The following KLF4 variants were observed in gnomAD, a reference collection of about 807,000 sequenced individuals.
KLF4 encodes the protein KLF transcription factor 4, also known as Krueppel-like factor 4.
In KLF4, 14 loss-of-function variants were observed where a neutral mutation model predicts 38.0. The ratio of observed to expected loss-of-function variants is 0.37; its 90% CI spans 0.24 to 0.58. The LOEUF (loss-of-function observed/expected upper bound fraction) is 0.58, where lower values mean the gene tolerates loss of function less well. KLF4 is among the 20% of genes least tolerant of loss of function. KLF4 has a pLI of 0.76. For synonymous variants in KLF4, 398 were observed against 302.5 expected, an observed-to-expected ratio of 1.32 and a Z score of -3.28; for missense variants, 737 against 670.1, an observed-to-expected ratio of 1.10 and a Z score of -1.10.
In KLF4 at chr9:107,488,225, C is replaced by T. The variant is rs1316751776; in HGVS notation, c.169G>A (p.Val57Met). 1.9e-6 allele frequency: 3 copies of T among 1,611,012 alleles called. No individual in the cohort carries two copies. The highest frequency in any genetic ancestry group is 1.7e-6 in the Non-Finnish European group (2 of 1,179,310). The stretch of plus-strand genomic sequence containing the variant: ...AGGTCATAGGGGCGGCCGGGAAGCA[C>T]TGGGGGAAGTCGCTTCATGTGGGAG... ...ELSHMKRLPP[V>M]LPGRPYDLAA... Residue 57 changes from valine to methionine, a missense_variant, in exon 3 of 5, where the codon GTG (valine) becomes ATG (methionine). Coordinates refer to ENST00000374672, the MANE Select transcript of KLF4 (RefSeq NM_004235.6). The surrounding 1 kb of genome is among the most constrained non-coding windows in gnomAD (Gnocchi z 5.7).
Position 107,487,935 on chromosome 9 carries a change from C to T in KLF4, c.459G>A (p.Pro153=), listed in dbSNP as rs377266365. 1.9e-6 allele frequency: 3 copies of T among 1,580,124 alleles called. No individual in the cohort carries two copies. The highest frequency in any genetic ancestry group is 2.6e-6 in the Non-Finnish European group (3 of 1,163,620). ...SAPSTCSFTY[P]IRAGNDPGVA... The stretch of plus-strand genomic sequence containing the variant: ...CGCCCGGGTCGTTCCCGGCCCGGAT[C>T]GGATAGGTGAAGCTGCAGGTGGAGG... The change falls in exon 3 of 5, where the codon CCG becomes CCA. Residue 153 remains proline (P), a synonymous_variant. Transcript: ENST00000374672. The surrounding 1 kb of genome is among the most constrained non-coding windows in gnomAD (Gnocchi z 6.1).
Position 107,489,304 on chromosome 9 carries a change from A to T in KLF4, c.-132T>A. ...GGCCGAGATCCTTCTTCTTTGGATT[A>T]AATATAACTTGGAAGCGTCTTTTTT... is the stretch of plus-strand genomic sequence containing the variant. On this transcript the variant is annotated 5_prime_UTR_variant, in exon 1 of 5. Transcript: ENST00000374672. The T allele has an allele frequency of 8.2e-7, 1 of 1,224,172 alleles. No homozygotes were observed. Among genetic ancestry groups the T allele is most frequent in the East Asian group, 2.8e-5 (1 of 35,814 alleles). The allele number at this position is 1,224,172 out of a possible 1,614,324, so 75.8% of individuals were successfully genotyped here. A position where few individuals can be genotyped will look rare whatever the true frequency, so the allele number is the denominator to read the frequency against.
In KLF4 at chr9:107,487,999, G is replaced by C; in HGVS notation, c.395C>G (p.Ser132Cys). 6.2e-7 allele frequency: 1 copy of C among 1,601,834 alleles called. No individual in the cohort carries two copies. The highest frequency in any genetic ancestry group is 8.5e-7 in the Non-Finnish European group (1 of 1,174,968). Reference protein sequence around the residue: ...ATVSSSASASSSSSPSSSGPA... With the variant: ...ATVSSSASASCSSSPSSSGPA... ...GCCGCTGCTCGACGGCGACGACGAA[G>C]AGGAGGCTGACGCTGACGAGGACAC... Residue 132 changes from serine to cysteine, a missense_variant, in exon 3 of 5, where the codon TCT (serine) becomes TGT (cysteine). Around this residue, in one of 2 missense-constraint regions of KLF4, gnomAD observed 695 missense variants for 554.5 expected, o/e 1.25. Coordinates refer to ENST00000374672, the MANE Select transcript of KLF4 (RefSeq NM_004235.6). The surrounding 1 kb of genome is among the most constrained non-coding windows in gnomAD (Gnocchi z 6.1).
In KLF4 at chr9:107,487,888, CCGCCCGTGCCGCCCGGCGCCA is replaced by C. The variant is rs1440401875; in HGVS notation, c.485_505del (p.Val162_Gly168del). 4.3e-5 allele frequency: 66 copies of C among 1,551,518 alleles called. No homozygotes were observed. Among genetic ancestry groups the C allele is most frequent in the Non-Finnish European group, 5.4e-5 (62 of 1,149,110 alleles). ...GGACTCCCTGCCATAGAGGAGGCCT[CCGCCCGTGCCGCCCGGCGCCA>C]CGCCCGGGTCGTTCCCGGCCCGGAT... On this transcript the variant is annotated inframe_deletion, in exon 3 of 5. Transcript: ENST00000374672. The surrounding 1 kb of genome is among the most constrained non-coding windows in gnomAD (Gnocchi z 6.1).
In KLF4 at chr9:107,487,941, G is replaced by T; in HGVS notation, c.453C>A (p.Thr151=). Residue 151 remains threonine, a synonymous_variant, in exon 3 of 5, where the codon ACC becomes ACA. Transcript: ENST00000374672. The surrounding 1 kb of genome is among the most constrained non-coding windows in gnomAD (Gnocchi z 6.1). ...GGTCGTTCCCGGCCCGGATCGGATA[G>T]GTGAAGCTGCAGGTGGAGGGCGCGC... ...PASAPSTCSF[T]YPIRAGNDPG... 1 of 1,582,604 alleles carries T rather than the reference G, an allele frequency of 6.3e-7. No homozygotes were observed. The highest frequency in any genetic ancestry group is 8.6e-7 in the Non-Finnish European group (1 of 1,165,170).
Position 107,488,782 on chromosome 9 carries a change from G to A in KLF4, c.126+148C>T. 1 of 1,159,516 alleles carries A rather than the reference G, an allele frequency of 8.6e-7. No individual in the cohort carries two copies. Among genetic ancestry groups the A allele is most frequent in the Non-Finnish European group, 1.2e-6 (1 of 837,432 alleles). The allele number at this position is 1,159,516 out of a possible 1,614,324, so 71.8% of individuals were successfully genotyped here. A position where few individuals can be genotyped will look rare whatever the true frequency, so the allele number is the denominator to read the frequency against. ...CATACACAGCTGAGCCAAGGACACG[G>A]AAGCTATCCCGGGAAGGTTGCGGAG... On this transcript the variant is annotated intron_variant, in intron 2 of 4. Coordinates refer to ENST00000374672, the MANE Select transcript of KLF4 (RefSeq NM_004235.6). This position sits in a 1 kb window ranked among gnomAD's most constrained non-coding sequence, Gnocchi z 5.7.
chr9:107,488,900 G>C lies in KLF4; in HGVS notation c.126+30C>G, dbSNP rs201163938. On this transcript the variant is annotated intron_variant, in intron 2 of 4. Transcript: ENST00000374672. The surrounding 1 kb of genome is among the most constrained non-coding windows in gnomAD (Gnocchi z 5.7). Reference sequence around the variant, plus strand: ...CACCACACCCACGAAAACCCACCGGGCGTTCCCGGCGGCCCGGAGCGATAC... The same window carrying C: ...CACCACACCCACGAAAACCCACCGGCCGTTCCCGGCGGCCCGGAGCGATAC... The C allele has an allele frequency of 1.3e-6, 2 of 1,544,138 alleles. No homozygotes were observed. Among genetic ancestry groups the C allele is most frequent in the African/African-American group, 2.7e-5 (2 of 73,052 alleles).
In KLF4 at chr9:107,489,497, T is replaced by A. The variant is rs960141233; in HGVS notation, c.-325A>T. 18 of 295,900 alleles carry A rather than the reference T, an allele frequency of 6.1e-5. No homozygotes were observed. Among genetic ancestry groups the A allele is most frequent in the Non-Finnish European group, 9.9e-5 (16 of 161,608 alleles). 18.3% of individuals were successfully genotyped at this position (295,900 alleles called of 1,614,324 possible). On this transcript the variant is annotated 5_prime_UTR_variant, in exon 1 of 5. Coordinates refer to ENST00000374672, the MANE Select transcript of KLF4 (RefSeq NM_004235.6). ...CGAGTGCTGCCGTGGGCGCAGGGGCTGTGGCCGGGGCGGTGGGCGGGCGGT... is the reference window on the plus strand; with the variant it reads ...CGAGTGCTGCCGTGGGCGCAGGGGCAGTGGCCGGGGCGGTGGGCGGGCGGT...
Position 107,487,660 on chromosome 9 carries a change from G to T in KLF4, c.734C>A (p.Pro245Gln). 6.3e-7 allele frequency: 1 copy of T among 1,591,202 alleles called. No homozygotes were observed. The highest frequency in any genetic ancestry group is 8.6e-7 in the Non-Finnish European group (1 of 1,166,996). The change falls in exon 3 of 5, where the codon CCG (proline) becomes CAG (glutamine). Residue 245 changes from proline (P) to glutamine (Q), a missense_variant. Transcript: ENST00000374672. The surrounding 1 kb of genome is among the most constrained non-coding windows in gnomAD (Gnocchi z 6.1). The part of the protein sequence containing the change: ...LSAPGSEYGS[P>Q]SVISVSKGSP... ...GCCTTTGCTGACGCTGATGACCGAC[G>T]GGCTGCCGTACTCGCTGCCAGGGGC...
chr9:107,487,086 G>A lies in KLF4; in HGVS notation c.1206C>T (p.Gly402=), dbSNP rs754863078. 1.9e-6 allele frequency: 3 copies of A among 1,614,228 alleles called. No homozygotes were observed. Among genetic ancestry groups the A allele is most frequent in the Non-Finnish European group, 2.5e-6 (3 of 1,180,046 alleles). The change falls in exon 4 of 5, where the codon GGC becomes GGT. Residue 402 remains glycine, a synonymous_variant. Transcript: ENST00000374672. The surrounding 1 kb of genome is among the most constrained non-coding windows in gnomAD (Gnocchi z 6.1). ...AACTCTTTGTGTAGGTTTTGCCGCA[G>A]CCCGCGTAATCACAAGTGTGGGTGG... ...RTATHTCDYA[G]CGKTYTKSSH...
Position 107,489,400 on chromosome 9 carries a change from G to A in KLF4, c.-228C>T, listed in dbSNP as rs149109998. The A allele has an allele frequency of 5.4e-4, 271 of 503,288 alleles. 4 individuals are homozygous for A. The East Asian group carries it at 6.8e-3, about 13-fold the overall frequency. 31.2% of individuals were successfully genotyped at this position (503,288 alleles called of 1,614,324 possible). ...CAAAAATAGACAATCAGCAAGGCGA[G>A]TAAGTAGGTCCGGTGGCCGGGCTGC... is the stretch of plus-strand genomic sequence containing the variant. On this transcript the variant is annotated 5_prime_UTR_variant, in exon 1 of 5. Transcript: ENST00000374672.
In KLF4 at chr9:107,487,943, T is replaced by G; in HGVS notation, c.451A>C (p.Thr151Pro). 6.3e-7 allele frequency: 1 copy of G among 1,581,530 alleles called. No individual in the cohort carries two copies. Among genetic ancestry groups the G allele is most frequent in the South Asian group, 1.1e-5 (1 of 87,350 alleles). The change falls in exon 3 of 5, where the codon ACC (threonine) becomes CCC (proline). Residue 151 changes from threonine (T) to proline (P), a missense_variant. Physicochemically the swap from Thr to Pro is conservative, Grantham distance 38. Coordinates refer to ENST00000374672, the MANE Select transcript of KLF4 (RefSeq NM_004235.6). The surrounding 1 kb of genome is among the most constrained non-coding windows in gnomAD (Gnocchi z 6.1). ...TCGTTCCCGGCCCGGATCGGATAGG[T>G]GAAGCTGCAGGTGGAGGGCGCGCTG... The part of the protein sequence containing the change: ...PASAPSTCSF[T>P]YPIRAGNDPG...
In KLF4 at chr9:107,485,387, G is replaced by A. The variant is rs949150624; in HGVS notation, c.*364C>T. ...CAAGGTGATCTTTTATGCTTATATTGCATCAATACACAATTCAAGGGAATT... is the reference window on the plus strand; with the variant it reads ...CAAGGTGATCTTTTATGCTTATATTACATCAATACACAATTCAAGGGAATT... On this transcript the variant is annotated 3_prime_UTR_variant, in exon 5 of 5. Coordinates refer to ENST00000374672, the MANE Select transcript of KLF4 (RefSeq NM_004235.6). The surrounding 1 kb of genome is among the most constrained non-coding windows in gnomAD (Gnocchi z 4.9). 2 of 254,256 alleles carry A rather than the reference G, an allele frequency of 7.9e-6. No homozygotes were observed. The highest frequency in any genetic ancestry group is 7.5e-6 in the Non-Finnish European group (1 of 133,282). The allele number at this position is 254,256 out of a possible 1,614,324, so 15.7% of individuals were successfully genotyped here. A position where few individuals can be genotyped will look rare whatever the true frequency, so the allele number is the denominator to read the frequency against.
At chr9:107,486,150 C>G (rs1039608432) in intron 4 of KLF4, among the ~76,000 whole-genome samples, 4 of 152,116 alleles carry the variant, frequency 2.6e-5, no homozygotes, top group Non-Finnish European at 5.9e-5. Context: ...GTTAAGCACA[C>G]AACCACCACC....
chr9:107,488,836 T>G lies in KLF4; in HGVS notation c.126+94A>C, dbSNP rs1829138110. ...GCGCGGTGGCCGCTCCTTACCCTCG[T>G]TCAGTGGCTCTTGGTGACCCCAAGG... is the stretch of plus-strand genomic sequence containing the variant. On this transcript the variant is annotated intron_variant, in intron 2 of 4. Coordinates refer to ENST00000374672, the MANE Select transcript of KLF4 (RefSeq NM_004235.6). The surrounding 1 kb of genome is among the most constrained non-coding windows in gnomAD (Gnocchi z 5.7). The G allele has an allele frequency of 6.8e-7, 1 of 1,471,838 alleles. No individual in the cohort carries two copies. Among genetic ancestry groups the G allele is most frequent in the South Asian group, 1.3e-5 (1 of 74,696 alleles). The allele number at this position is 1,471,838 out of a possible 1,614,324, so 91.2% of individuals were successfully genotyped here.
At chr9:107,489,131 A>G in intron 1 of KLF4, 37 bp downstream of exon 1, 1 of 1,544,104 alleles carries the variant, frequency 6.5e-7, no homozygotes, top group South Asian at 1.2e-5. Flanking sequence ...ACCGGTCCTC[A>G]CCCCTCCCTG....
Position 107,489,740 on chromosome 9 carries a change from A to C in KLF4, c.-568T>G. On this transcript the variant is annotated 5_prime_UTR_variant, in exon 1 of 5. Coordinates refer to ENST00000374672, the MANE Select transcript of KLF4 (RefSeq NM_004235.6). ...CTCTGCTCCCCGCGCGCCCGCAGACACGTTCGTTCTCTCTGGTCGGGAAAC... is the reference window on the plus strand; with the variant it reads ...CTCTGCTCCCCGCGCGCCCGCAGACCCGTTCGTTCTCTCTGGTCGGGAAAC... 4.8e-6 allele frequency: 1 copy of C among 206,322 alleles called. No homozygotes were observed. The highest frequency in any genetic ancestry group is 9.9e-6 in the Non-Finnish European group (1 of 100,850). 12.8% of individuals were successfully genotyped at this position (206,322 alleles called of 1,614,324 possible).
chr9:107,486,140 G>C (rs1460015955), intron 4 of KLF4, among the ~76,000 whole-genome samples: 1 of 152,122 alleles, frequency 6.6e-6, no homozygotes, highest in African/African-American at 2.4e-5. Flanking sequence ...TAGGGGGTCA[G>C]TTAAGCACAC....
In KLF4 at chr9:107,487,794, C is replaced by T; in HGVS notation, c.600G>A (p.Val200=). ...INDVSPSGGF[V]AELLRPELDP... is the part of the protein sequence containing the mutation. ...CCAATTCTGGCCGCAGGAGCTCGGCCACGAAGCCGCCCGAGGGGCTCACGT... is the reference window on the plus strand; with the variant it reads ...CCAATTCTGGCCGCAGGAGCTCGGCTACGAAGCCGCCCGAGGGGCTCACGT... Residue 200 remains valine (V), a synonymous_variant, in exon 3 of 5, where the codon GTG becomes GTA. Coordinates refer to ENST00000374672, the MANE Select transcript of KLF4 (RefSeq NM_004235.6). The surrounding 1 kb of genome is among the most constrained non-coding windows in gnomAD (Gnocchi z 6.1). 6.5e-7 allele frequency: 1 copy of T among 1,540,094 alleles called. No individual in the cohort carries two copies. The highest frequency in any genetic ancestry group is 8.8e-7 in the Non-Finnish European group (1 of 1,140,950).
Sources: allele counts gnomAD v4.1 joint callset (sites outside exome capture counted in the v4.1 genomes callset), GRCh38; gene constraint gnomAD v4.1.1; regional missense constraint gnomAD v4.1.1; non-coding constraint Gnocchi (gnomAD v3.1); transcripts MANE v1.5; gene names NCBI Gene and HGNC (gene_info 2026-07-23, HGNC 2026-07-21).